TBC1D30: variants seen among roughly 807,000 people sequenced by gnomAD.
TBC1D30 encodes TBC1 domain family member 30.
In TBC1D30, 31 loss-of-function variants were observed where a neutral mutation model predicts 63.2. The ratio of observed to expected loss-of-function variants is 0.49; its 90% CI spans 0.37 to 0.66. The LOEUF is 0.66. Among genes scored for constraint, TBC1D30 ranks in the 30% least tolerant of loss-of-function variants. TBC1D30 has a pLI of 0.00. For missense variants in TBC1D30, 810 were observed against 953.6 expected, an observed-to-expected ratio of 0.85 and a Z score of 1.98; for synonymous variants, 307 against 361.5, an observed-to-expected ratio of 0.85 and a Z score of 1.71.
In TBC1D30 at chr12:64,875,510, A is replaced by T. The variant is rs1878994415; in HGVS notation, c.2008A>T (p.Thr670Ser). 1.3e-6 allele frequency: 2 copies of T among 1,535,948 alleles called. No individual in the cohort carries two copies. The highest frequency in any genetic ancestry group is 2.7e-5 in the African/African-American group (2 of 72,974). Reference protein sequence around the residue: ...ELNQRDAAAETELRVHPPCQR... With the variant: ...ELNQRDAAAESELRVHPPCQR... ...GAACCAGAGGGATGCTGCAGCTGAA[A>T]CTGAGCTCAGGGTGCACCCACCCTG... Residue 670 changes from threonine to serine, a missense_variant, in exon 12 of 12, where the codon ACT becomes TCT. Physicochemically the swap from Thr to Ser is moderately conservative, Grantham distance 58 (BLOSUM62 1). Transcript: ENST00000539867.
intron 2 of TBC1D30, among the ~76,000 whole-genome samples, chr12:64,802,665 G>A (rs952050393): frequency 6.6e-6 from 1 of 151,916 alleles, no homozygotes; most frequent in Non-Finnish European, 1.5e-5. Flanking sequence ...CCGCATGACA[G>A]GCCCCGGTGT....
At chr12:64,793,052 C>A (rs893125110) in intron 2 of TBC1D30, among the ~76,000 whole-genome samples, 6 of 152,068 alleles carry the variant, frequency 3.9e-5, no homozygotes, top group Admixed American at 3.3e-4. Flanking sequence ...AAATAAAGAG[C>A]AAGCTCGCTG....
At chr12:64,803,557 A>T (rs1397603520) in intron 2 of TBC1D30, among the ~76,000 whole-genome samples, 1 of 152,120 alleles carries the variant, frequency 6.6e-6, no homozygotes, top group Non-Finnish European at 1.5e-5. Flanking sequence ...GGTGTTTTAG[A>T]CATGAAGTCC....
intron 9 of TBC1D30, 93 bp downstream of exon 9, chr12:64,864,873 A>T: frequency 1.1e-6 from 1 of 880,160 alleles, no homozygotes; most frequent in Non-Finnish European, 1.7e-6. Context: ...CCCCAGAGAT[A>T]TGTTAAAGTA....
intron 10 of TBC1D30, among the ~76,000 whole-genome samples, chr12:64,867,582 A>C (rs12300044): frequency 0.036 from 5,496 of 152,058 alleles, 333 homozygotes; most frequent in African/African-American, 0.12. Context: ...CTCTGTGGTG[A>C]CTTTTGCTCC....
At chr12:64,840,222 C>G (rs906876343) in intron 7 of TBC1D30, among the ~76,000 whole-genome samples, 1 of 152,204 alleles carries the variant, frequency 6.6e-6, no homozygotes, top group Admixed American at 6.5e-5. Context: ...TTGCTGCAGC[C>G]ATGTATTTCC....
At chr12:64,765,091 G>A (rs1870654737) in intron 1 of TBC1D30, among the ~76,000 whole-genome samples, 1 of 152,084 alleles carries the variant, frequency 6.6e-6, no homozygotes, top group Non-Finnish European at 1.5e-5. Context: ...AATCTGCAAG[G>A]AAAGTAACTT....
chr12:64,833,792 A>C (rs1875085245), intron 5 of TBC1D30, among the ~76,000 whole-genome samples: 2 of 152,086 alleles, frequency 1.3e-5, no homozygotes, highest in African/African-American at 4.8e-5. Context: ...GGAGGAAGGC[A>C]GTGACAAATA....
At chr12:64,857,140 C>G (rs552202054) in intron 8 of TBC1D30, among the ~76,000 whole-genome samples, 1 of 151,920 alleles carries the variant, frequency 6.6e-6, no homozygotes, top group African/African-American at 2.4e-5. Context: ...TTTACTTTTC[C>G]CTCTGTTTTT....
chr12:64,827,007 A>G (rs994299793), intron 1 of TBC1D30, among the ~76,000 whole-genome samples: 5 of 152,218 alleles, frequency 3.3e-5, no homozygotes, highest in African/African-American at 1.2e-4. Flanking sequence ...AAGAAGTGGA[A>G]GTTGTGGAGA....
At chr12:64,794,845 T>C (rs74099678) in intron 2 of TBC1D30, among the ~76,000 whole-genome samples, 4,941 of 152,282 alleles carry the variant, frequency 0.032, 297 homozygotes, top group African/African-American at 0.11. Flanking sequence ...GAAATCTTTT[T>C]GGGTTGCTAT....
In TBC1D30 at chr12:64,875,140, A is replaced by G; in HGVS notation, c.1638A>G (p.Gly546=). The G allele has an allele frequency of 1.1e-5, 17 of 1,536,440 alleles. No homozygotes were observed. The highest frequency in any genetic ancestry group is 1.4e-5 in the Non-Finnish European group (16 of 1,146,932). Residue 546 remains glycine, a synonymous_variant, in exon 12 of 12, where the codon GGA becomes GGG. Transcript: ENST00000539867. ...NAVIHIPGHT[G]GKISPVPYED... ...TCATCCACATCCCTGGTCACACAGG[A>G]GGGAAAATATCTCCTGTCCCCTACG...
rs1874285143 is a variant in TBC1D30 at position 64,825,819 on chromosome 12, T to C, written c.154+786T>C. ...AGGGAGTTGGCTGTACTCTCACTGGTGCTTGGCGCTCACCTGTTCCCTGGA... is the reference window on the plus strand; with the variant it reads ...AGGGAGTTGGCTGTACTCTCACTGGCGCTTGGCGCTCACCTGTTCCCTGGA... On this transcript the variant is annotated intron_variant, in intron 1 of 11. Transcript: ENST00000539867. Among the ~76,000 whole-genome samples, 3 of 152,312 alleles carry C rather than the reference T, an allele frequency of 2.0e-5. No homozygotes were observed. The South Asian group carries it at 6.2e-4, about 32-fold the overall frequency.
rs1346994146 is a variant in TBC1D30 at position 64,864,680 on chromosome 12, A to G, written c.1051A>G (p.Met351Val). 7.2e-6 allele frequency: 11 copies of G among 1,536,278 alleles called. No individual in the cohort carries two copies. Among genetic ancestry groups the G allele is most frequent in the Non-Finnish European group, 1.7e-6 (2 of 1,146,876 alleles). Residue 351 changes from methionine to valine, a missense_variant, in exon 9 of 12, where the codon ATG becomes GTG. Physicochemically the swap from Met to Val is conservative, Grantham distance 21. Transcript: ENST00000539867. ...TTTTGTTTTACAGACTGTTTATTCC[A>G]TGGCTCCGTTCCCTTTCCCACAATT... Reference protein sequence around the residue: ...SHELMQTVYSMAPFPFPQLAE... With the variant: ...SHELMQTVYSVAPFPFPQLAE...
Position 64,876,512 on chromosome 12 carries a change from C to G in TBC1D30, c.*724C>G. ...TTACGCAGTTGCTCCGGACAGCTTGCTCGCGCCACTGAGCTTTTCCTGAGG... is the reference window on the plus strand; with the variant it reads ...TTACGCAGTTGCTCCGGACAGCTTGGTCGCGCCACTGAGCTTTTCCTGAGG... On this transcript the variant is annotated 3_prime_UTR_variant, in exon 12 of 12. Transcript: ENST00000539867. The G allele has an allele frequency of 6.8e-6, 2 of 295,456 alleles. No individual in the cohort carries two copies. Among genetic ancestry groups the G allele is most frequent in the Middle Eastern group, 2.5e-3 (2 of 796 alleles). 18.3% of individuals were successfully genotyped at this position (295,456 alleles called of 1,614,324 possible). A position where few individuals can be genotyped will look rare whatever the true frequency, so the allele number is the denominator to read the frequency against.
At chr12:64,815,921 G>A (rs1312644262) in intron 2 of TBC1D30, among the ~76,000 whole-genome samples, 2 of 151,954 alleles carry the variant, frequency 1.3e-5, no homozygotes, top group Non-Finnish European at 2.9e-5. Context: ...CGATAGCCAT[G>A]TACCACCATG....
intron 1 of TBC1D30, among the ~76,000 whole-genome samples, chr12:64,826,011 C>G (rs1281152124): frequency 6.6e-6 from 1 of 152,194 alleles, no homozygotes; most frequent in East Asian, 1.9e-4. Flanking sequence ...TGTTGTTCTC[C>G]CCTAGGAAGT....
At chr12:64,779,440 A>T (rs1871169458), upstream of TBC1D30, 1 of 152,186 alleles carries the variant, frequency 6.6e-6, no homozygotes, top group South Asian at 2.1e-4. Flanking sequence ...GTATAATTTA[A>T]AATTCCGAAT....
At chr12:64,777,345 A>G (rs1442099550), upstream of TBC1D30, among the ~76,000 whole-genome samples, 5 of 152,242 alleles carry the variant, frequency 3.3e-5, no homozygotes. Flanking sequence ...ATATGGTCCT[A>G]TATCTAGAAA....
Sources: allele counts gnomAD v4.1 joint callset (sites outside exome capture counted in the v4.1 genomes callset), GRCh38; gene constraint gnomAD v4.1.1; transcripts MANE v1.5; gene names NCBI Gene and HGNC (gene_info 2026-07-23, HGNC 2026-07-21).